The following CHAT variants were observed in gnomAD, a reference collection of about 807,000 sequenced individuals.
CHAT encodes the protein choline O-acetyltransferase, also known as acetyl CoA:choline O-acetyltransferase.
A neutral mutation model predicts 76.9 loss-of-function variants in CHAT; 61 were observed. That is an observed-to-expected ratio of 0.79 (90% CI 0.65 to 0.98). CHAT has a LOEUF of 0.98. Among genes scored for constraint, CHAT ranks in the 50% least tolerant of loss-of-function variants. The pLI, the probability that CHAT is intolerant of heterozygous loss-of-function variation, is 0.00. For synonymous variants in CHAT, 407 were observed against 397.4 expected (o/e 1.02, Z -0.29); for missense variants, 946 against 986.9 (o/e 0.96, Z 0.56).
chr10:49,610,771 C>CGG (rs1209060907), upstream of CHAT: 1 of 1,558,538 alleles, frequency 6.4e-7, no homozygotes, highest in Non-Finnish European at 8.7e-7. Context: ...GGGCCAGGCC[C>CGG]GGGCGGCGGC....
chr10:49,616,988 A>G (rs936696999), intron 2 of CHAT, among the ~76,000 whole-genome samples: 17 of 152,112 alleles, frequency 1.1e-4, no homozygotes, highest in African/African-American at 3.4e-4. Context: ...TCCAGCTGCT[A>G]TCACTAGTTC....
At chr10:49,651,027 A>C (rs1462732160) in intron 10 of CHAT, among the ~76,000 whole-genome samples, 1 of 151,984 alleles carries the variant, frequency 6.6e-6, no homozygotes, top group Non-Finnish European at 1.5e-5. Flanking sequence ...GAGGCTGAGG[A>C]GAGCCAGGAA....
intron 3 of CHAT, among the ~76,000 whole-genome samples, 157 bp from the exon 4 acceptor site, chr10:49,620,338 G>C (rs1838658694): frequency 6.6e-6 from 1 of 152,116 alleles, no homozygotes; most frequent in Non-Finnish European, 1.5e-5. Context: ...GGACAGGCCT[G>C]GTGGACTGGG....
intron 7 of CHAT, among the ~76,000 whole-genome samples, chr10:49,645,783 G>T (rs1170121721): frequency 1.3e-5 from 2 of 152,184 alleles, no homozygotes; most frequent in South Asian, 2.1e-4. Context: ...TACTCTAGAA[G>T]AATGTCTAGA....
chr10:49,663,301 G>A (rs908649509), intron 14 of CHAT, among the ~76,000 whole-genome samples: 5 of 152,184 alleles, frequency 3.3e-5, no homozygotes, highest in African/African-American at 4.8e-5. Flanking sequence ...CTACTTAGCC[G>A]AGGTGGAGAC....
intron 8 of CHAT, among the ~76,000 whole-genome samples, chr10:49,647,560 T>C (rs994946529): frequency 1.5e-4 from 23 of 152,198 alleles, no homozygotes; most frequent in African/African-American, 5.5e-4. Flanking sequence ...TTCCTTTTTA[T>C]TGGTTTGCAT....
chr10:49,666,421 G>A lies in CHAT; in HGVS notation c.*1375G>A, dbSNP rs1294176623. Among the ~76,000 whole-genome samples the A allele has an allele frequency of 6.6e-6, 1 of 152,218 alleles. No individual in the cohort carries two copies. Reference sequence around the variant, plus strand: ...TTTATGGGAAGTCTAAAGGGCAGAGGGAGGGAGTAAGAAAGCAACCAGAGA... The same window carrying A: ...TTTATGGGAAGTCTAAAGGGCAGAGAGAGGGAGTAAGAAAGCAACCAGAGA... On this transcript the variant is annotated 3_prime_UTR_variant, in exon 15 of 15. Coordinates refer to ENST00000337653, the MANE Select transcript of CHAT (RefSeq NM_020549.5).
At chr10:49,638,755 T>C (rs944056797) in intron 7 of CHAT, among the ~76,000 whole-genome samples, 1 of 152,230 alleles carries the variant, frequency 6.6e-6, no homozygotes, top group Non-Finnish European at 1.5e-5. Flanking sequence ...ATATTATCTC[T>C]ATATACATTT....
chr10:49,636,367 G>A (rs1839294222), intron 7 of CHAT, among the ~76,000 whole-genome samples: 1 of 152,096 alleles, frequency 6.6e-6, no homozygotes, highest in African/African-American at 2.4e-5. Context: ...GCCCCAGTTG[G>A]TCATGGTGTA....
chr10:49,612,195 G>C (rs751093639), upstream of CHAT: 1 of 1,609,240 alleles, frequency 6.2e-7, no homozygotes, highest in Admixed American at 1.7e-5. Flanking sequence ...GCGATGTGCT[G>C]CTTGATGAGC....
chr10:49,638,069 T>TA (rs1321915695), intron 7 of CHAT, among the ~76,000 whole-genome samples: 1 of 152,246 alleles, frequency 6.6e-6, no homozygotes, highest in Non-Finnish European at 1.5e-5. Flanking sequence ...TGGATTTGGC[T>TA]ATTTCTCCTT....
Position 49,655,206 on chromosome 10 carries a change from A to G in CHAT, c.1746A>G (p.Arg582=), listed in dbSNP as rs779923095. The G allele has an allele frequency of 1.2e-6, 2 of 1,614,028 alleles. No homozygotes were observed. Among genetic ancestry groups the G allele is most frequent in the Middle Eastern group, 1.6e-4 (1 of 6,062 alleles). ...SATPEALAFV[R]AVTDHKAAVP... The stretch of plus-strand genomic sequence containing the variant: ...CTCCAGAGGCACTGGCTTTTGTGAG[A>G]GCCGTGACTGACCACAAGGCTGCTG... The change falls in exon 12 of 15, where the codon AGA becomes AGG. Residue 582 remains arginine (R), a synonymous_variant. Transcript: ENST00000337653.
chr10:49,660,004 G>C (rs1197280925), intron 13 of CHAT, among the ~76,000 whole-genome samples: 1 of 152,194 alleles, frequency 6.6e-6, no homozygotes, highest in African/African-American at 2.4e-5. Context: ...TGACCCAGCT[G>C]TGAATACTTG....
intron 13 of CHAT, among the ~76,000 whole-genome samples, chr10:49,656,795 G>A (rs1022857049): frequency 3.3e-5 from 5 of 152,210 alleles, no homozygotes; most frequent in Admixed American, 2.0e-4. Context: ...GAGAGGCAGA[G>A]TTGCTGGTTA....
At chr10:49,658,814 T>A (rs1840107951) in intron 13 of CHAT, among the ~76,000 whole-genome samples, 1 of 152,210 alleles carries the variant, frequency 6.6e-6, no homozygotes. Flanking sequence ...AAGGAGTTAT[T>A]ACATCTATAT....
chr10:49,633,884 G>A (rs1839209398), intron 7 of CHAT, among the ~76,000 whole-genome samples: 1 of 152,208 alleles, frequency 6.6e-6, no homozygotes, highest in African/African-American at 2.4e-5. Flanking sequence ...TGCTTGCAAG[G>A]AGGGAACTGA....
intron 7 of CHAT, among the ~76,000 whole-genome samples, chr10:49,643,096 A>G (rs1210972796): frequency 6.6e-6 from 1 of 152,246 alleles, no homozygotes; most frequent in Non-Finnish European, 1.5e-5. Context: ...AAATGGCCTA[A>G]GGTCAAGATA....
At chr10:49,612,407 G>A, upstream of CHAT, 1 of 1,474,862 alleles carries the variant, frequency 6.8e-7, no homozygotes, top group East Asian at 2.3e-5. Context: ...AAGCCCACTG[G>A]CCAGCTCTGG....
In CHAT at chr10:49,619,722, C is replaced by T. The variant is rs747405265; in HGVS notation, c.388-3C>T. On this transcript the variant is annotated splice_polypyrimidine_tract_variant and splice_region_variant and intron_variant, in intron 2 of 14. Transcript: ENST00000337653. ...CACAATGCCTATGAACCCTTTCTTC[C>T]AGGGGCTGCCCAAACTGCCCGTGCC... The T allele has an allele frequency of 6.2e-7, 1 of 1,610,114 alleles. No individual in the cohort carries two copies. Among genetic ancestry groups the T allele is most frequent in the African/African-American group, 1.3e-5 (1 of 74,984 alleles).
Sources: allele counts gnomAD v4.1 joint callset (sites outside exome capture counted in the v4.1 genomes callset), GRCh38; gene constraint gnomAD v4.1.1; transcripts MANE v1.5; gene names NCBI Gene and HGNC (gene_info 2026-07-23, HGNC 2026-07-21).